The following CLCN4 variants were observed in gnomAD, a reference collection of about 807,000 sequenced individuals.
CLCN4 encodes H(+)/Cl(-) exchange transporter 4.
CLCN4 carries 1 observed loss-of-function variant against 41.7 expected under a neutral mutation model. The observed-to-expected ratio is 0.02, with a 90% confidence interval of 0.01 to 0.11. The LOEUF (loss-of-function observed/expected upper bound fraction) is 0.11. CLCN4 is among the 10% of genes least tolerant of loss of function. CLCN4 has a pLI of 1.00. For missense variants in CLCN4, 287 were observed against 661.0 expected (o/e 0.43, Z 6.20); for synonymous variants, 277 against 285.8 (o/e 0.97, Z 0.31).
intron 11 of CLCN4, among the ~76,000 whole-genome samples, chrX:10,216,290 G>A (rs1379881930): frequency 8.9e-6 from 1 of 112,332 alleles, no homozygotes; most frequent in Non-Finnish European, 1.9e-5. Context: ...GAATGCCAAA[G>A]CATGGCGTTA....
intron 3 of CLCN4, among the ~76,000 whole-genome samples, chrX:10,186,131 G>T (rs1156338446): frequency 9.0e-6 from 1 of 111,152 alleles, no homozygotes; most frequent in African/African-American, 3.3e-5. Context: ...GAAGCAAGGG[G>T]GGACTGGCAG....
chrX:10,236,096 A>G lies in CLCN4; in HGVS notation c.*2512A>G, dbSNP rs1002623465. 2 of 112,168 alleles carry G rather than the reference A, an allele frequency of 1.8e-5. No individual in the cohort carries two copies. The highest frequency in any genetic ancestry group is 6.5e-5 in the African/African-American group (2 of 30,825). The allele number at this position is 112,168 out of a possible 1,213,427, so 9.2% of individuals were successfully genotyped here. A position where few individuals can be genotyped will look rare whatever the true frequency, so the allele number is the denominator to read the frequency against. On this transcript the variant is annotated 3_prime_UTR_variant, in exon 13 of 13. Coordinates refer to ENST00000380833, the MANE Select transcript of CLCN4 (RefSeq NM_001830.4). ...GTCATAGCCTGGCTTTATAGAATCC[A>G]GGAGGTCCTTTTAGCTGAAACAAGT... is the stretch of plus-strand genomic sequence containing the variant.
intron 11 of CLCN4, among the ~76,000 whole-genome samples, chrX:10,215,595 G>A (rs1386183034): frequency 2.7e-5 from 3 of 111,505 alleles, no homozygotes; most frequent in African/African-American, 9.8e-5. Context: ...GTAATCAGCA[G>A]CCTTTAAAAA....
chrX:10,205,054 G>T (rs1924342661), intron 6 of CLCN4, among the ~76,000 whole-genome samples: 1 of 110,854 alleles, frequency 9.0e-6, no homozygotes, highest in African/African-American at 3.3e-5. Context: ...ATGAGGGTTA[G>T]TCTAACAAGG....
intron 6 of CLCN4, among the ~76,000 whole-genome samples, chrX:10,201,287 CT>C (rs1450235280): frequency 9.0e-6 from 1 of 111,611 alleles, no homozygotes; most frequent in Non-Finnish European, 1.9e-5. Flanking sequence ...TATTAGTATT[CT>C]TTTAACTCTA....
Position 10,220,597 on chromosome X carries a change from G to C in CLCN4, c.1976-64G>C. On this transcript the variant is annotated intron_variant, in intron 11 of 12. Transcript: ENST00000380833. ...ATTCTAGATGGTGTGTGTGAGTGTG[G>C]GGTGGGGAATTGCTCAGCAAGGGGT... 3.5e-6 allele frequency: 3 copies of C among 845,698 alleles called. No individual in the cohort carries two copies. The South Asian group carries it at 6.2e-5, about 17-fold the overall frequency. The allele number at this position is 845,698 out of a possible 1,213,427, so 69.7% of individuals were successfully genotyped here. A position where few individuals can be genotyped will look rare whatever the true frequency, so the allele number is the denominator to read the frequency against.
intron 2 of CLCN4, among the ~76,000 whole-genome samples, chrX:10,163,462 C>A (rs1923164646): frequency 9.4e-6 from 1 of 106,784 alleles, no homozygotes; most frequent in African/African-American, 3.5e-5. Context: ...GGCCGGAGTG[C>A]AGTGGCTTGA....
At chrX:10,227,531 A>G (rs1925018474) in intron 12 of CLCN4, among the ~76,000 whole-genome samples, 2 of 111,875 alleles carry the variant, frequency 1.8e-5, no homozygotes, top group Non-Finnish European at 3.8e-5. Context: ...TATTTAACAT[A>G]TTGTACAATT....
At chrX:10,164,346 G>A (rs1442940765) in intron 2 of CLCN4, among the ~76,000 whole-genome samples, 1 of 111,683 alleles carries the variant, frequency 9.0e-6, no homozygotes, top group Admixed American at 9.4e-5. Flanking sequence ...GAGTAGGGGT[G>A]GGGACAGGTG....
intron 1 of CLCN4, among the ~76,000 whole-genome samples, chrX:10,157,312 T>C (rs1029471044): frequency 1.8e-5 from 2 of 112,245 alleles, no homozygotes; most frequent in Admixed American, 9.4e-5. Flanking sequence ...GGGTTAAATA[T>C]AGAAGGACAC....
At chrX:10,189,791 C>A (rs1249091640) in intron 4 of CLCN4, among the ~76,000 whole-genome samples, 1 of 112,048 alleles carries the variant, frequency 8.9e-6, no homozygotes, top group Non-Finnish European at 1.9e-5. Flanking sequence ...GAAGTCACCG[C>A]TAGGTGTCAC....
At chrX:10,162,262 G>A (rs962664046) in intron 2 of CLCN4, among the ~76,000 whole-genome samples, 2 of 110,850 alleles carry the variant, frequency 1.8e-5, no homozygotes, top group Admixed American at 9.6e-5. Context: ...CAGGTGATCC[G>A]CCCACCTTGG....
At chrX:10,221,485 A>G (rs889430285) in intron 12 of CLCN4, among the ~76,000 whole-genome samples, 1 of 110,801 alleles carries the variant, frequency 9.0e-6, no homozygotes, top group African/African-American at 3.3e-5. Flanking sequence ...GCAAGACCCT[A>G]TCTCTACAGA....
intron 2 of CLCN4, among the ~76,000 whole-genome samples, chrX:10,174,393 A>G (rs1004619710): frequency 1.6e-4 from 18 of 112,316 alleles, no homozygotes; most frequent in Non-Finnish European, 1.1e-4. Context: ...ACAAATGGCT[A>G]TTTTGGACCA....
chrX:10,195,257 T>C (rs943984545), intron 5 of CLCN4, among the ~76,000 whole-genome samples, 159 bp downstream of exon 5: 2 of 111,263 alleles, frequency 1.8e-5, no homozygotes, highest in Non-Finnish European at 3.8e-5. Context: ...CCAGCTCTAA[T>C]GCTACCACTC....
At chrX:10,164,312 G>A (rs186105385) in intron 2 of CLCN4, among the ~76,000 whole-genome samples, 11 of 111,492 alleles carry the variant, frequency 9.9e-5, no homozygotes, top group South Asian at 7.5e-4. Context: ...GGAGATCGGC[G>A]TGTGCAAAGT....
chrX:10,194,281 C>T (rs1924040598), intron 4 of CLCN4, among the ~76,000 whole-genome samples: 1 of 111,902 alleles, frequency 8.9e-6, no homozygotes, highest in Admixed American at 9.5e-5. Context: ...GAAAGAGACC[C>T]AAGGCCGCCT....
intron 2 of CLCN4, among the ~76,000 whole-genome samples, chrX:10,168,336 G>A (rs1186785195): frequency 2.7e-5 from 3 of 111,495 alleles, no homozygotes; most frequent in Non-Finnish European, 5.6e-5. Context: ...AGGGAAACAC[G>A]CCACAGCCTG....
At chrX:10,215,495 C>T (rs966459679) in intron 11 of CLCN4, among the ~76,000 whole-genome samples, 7 of 111,786 alleles carry the variant, frequency 6.3e-5, no homozygotes, top group African/African-American at 2.3e-4. Context: ...TGTTGCTTAA[C>T]GGGTAGGTAG....
Sources: allele counts gnomAD v4.1 joint callset (sites outside exome capture counted in the v4.1 genomes callset), GRCh38; gene constraint gnomAD v4.1.1; transcripts MANE v1.5; gene names NCBI Gene and HGNC (gene_info 2026-07-23, HGNC 2026-07-21).